RBFOX1: variants seen among roughly 807,000 people sequenced by gnomAD.
RBFOX1 encodes the protein RNA binding fox-1 homolog 1.
In RBFOX1, 8 loss-of-function variants were observed where a neutral mutation model predicts 57.7. The observed-to-expected ratio is 0.14, with a 90% confidence interval of 0.08 to 0.25. RBFOX1 has a LOEUF of 0.25. RBFOX1 is among the 10% of genes least tolerant of loss of function. The pLI is 1.00. For synonymous variants in RBFOX1, 326 were observed against 222.4 expected, an observed-to-expected ratio of 1.47 and a Z score of -4.15; for missense variants, 611 against 548.5, an observed-to-expected ratio of 1.11 and a Z score of -1.14.
chr16:6,484,364 A>G (rs891855624), intron 2 of RBFOX1, among the ~76,000 whole-genome samples: 1 of 152,052 alleles, frequency 6.6e-6, no homozygotes, highest in Non-Finnish European at 1.5e-5. Context: ...GCGCTGGTGT[A>G]CTCTTCATCT....
chr16:6,927,244 C>G (rs370419618), intron 3 of RBFOX1, among the ~76,000 whole-genome samples: 9 of 151,386 alleles, frequency 5.9e-5, no homozygotes, highest in African/African-American at 2.2e-4. Flanking sequence ...CAGTTCCCAT[C>G]TCTACTAAAA....
chr16:7,036,820 G>T (rs7198992), intron 3 of RBFOX1, among the ~76,000 whole-genome samples: 1 of 152,142 alleles, frequency 6.6e-6, no homozygotes, highest in Non-Finnish European at 1.5e-5. Flanking sequence ...AGAATGGCTA[G>T]TTCATAGACA....
At chr16:6,635,859 A>C (rs1211420663) in intron 2 of RBFOX1, among the ~76,000 whole-genome samples, 2 of 152,164 alleles carry the variant, frequency 1.3e-5, no homozygotes, top group South Asian at 2.1e-4. Flanking sequence ...CTTTTATTCA[A>C]AATGTTCGAG....
At chr16:6,940,469 A>G (rs546498984) in intron 3 of RBFOX1, among the ~76,000 whole-genome samples, 1 of 152,222 alleles carries the variant, frequency 6.6e-6, no homozygotes, top group Non-Finnish European at 1.5e-5. Flanking sequence ...GTGAGTGATG[A>G]CAATGATAAT....
intron 2 of RBFOX1, among the ~76,000 whole-genome samples, chr16:6,584,620 T>C (rs2097581431): frequency 6.6e-6 from 1 of 151,904 alleles, no homozygotes; most frequent in Non-Finnish European, 1.5e-5. Context: ...CCACCTGCCT[T>C]GGCCTCCCAA....
intron 3 of RBFOX1, among the ~76,000 whole-genome samples, chr16:7,051,159 G>T (rs1002443144): frequency 3.3e-5 from 5 of 152,186 alleles, no homozygotes; most frequent in Admixed American, 3.3e-4. Context: ...GAATAAAGGT[G>T]AATGAAGACC....
chr16:7,421,597 G>A (rs1001327055), intron 4 of RBFOX1, among the ~76,000 whole-genome samples: 7 of 152,194 alleles, frequency 4.6e-5, no homozygotes, highest in Non-Finnish European at 8.8e-5. Context: ...TAAAAGGTAG[G>A]TTGGAAGACT....
At chr16:5,762,556 A>G (rs1199071334) in intron 3 of RBFOX1, among the ~76,000 whole-genome samples, 1 of 152,188 alleles carries the variant, frequency 6.6e-6, no homozygotes, top group Non-Finnish European at 1.5e-5. Context: ...CACTTTGGGA[A>G]ATTTCCCCGC....
intron 3 of RBFOX1, among the ~76,000 whole-genome samples, chr16:6,675,638 G>T (rs1232334458): frequency 6.6e-6 from 1 of 152,204 alleles, no homozygotes; most frequent in Non-Finnish European, 1.5e-5. Context: ...ACAGTTCCAT[G>T]TGACTGGGGA....
chr16:5,896,088 C>A (rs1170672253), intron 4 of RBFOX1, among the ~76,000 whole-genome samples: 1 of 152,038 alleles, frequency 6.6e-6, no homozygotes, highest in Admixed American at 6.5e-5. Context: ...GAAGTGCCGT[C>A]AGGAGAAGGG....
At chr16:6,880,326 C>T (rs1185144855) in intron 3 of RBFOX1, among the ~76,000 whole-genome samples, 1 of 152,208 alleles carries the variant, frequency 6.6e-6, no homozygotes, top group East Asian at 1.9e-4. Context: ...GAGACAGCCT[C>T]TGTTGTTCCT....
intron 2 of RBFOX1, among the ~76,000 whole-genome samples, chr16:6,420,825 G>A (rs1259078100): frequency 6.6e-6 from 1 of 152,172 alleles, no homozygotes; most frequent in African/African-American, 2.4e-5. Context: ...GACTTATTTG[G>A]CACTCTCTGA....
intron 3 of RBFOX1, among the ~76,000 whole-genome samples, chr16:6,934,917 C>G (rs995273548): frequency 1.3e-5 from 2 of 151,990 alleles, no homozygotes; most frequent in Non-Finnish European, 2.9e-5. Context: ...GAAACCCTGT[C>G]TCTACCAAAA....
chr16:6,008,482 G>A (rs1204778478), intron 4 of RBFOX1, among the ~76,000 whole-genome samples: 1 of 152,152 alleles, frequency 6.6e-6, no homozygotes, highest in Admixed American at 6.5e-5. Context: ...TGGAGAAACT[G>A]GAGGTGATAA....
chr16:7,231,222 T>A (rs2093476029), intron 4 of RBFOX1, among the ~76,000 whole-genome samples: 2 of 152,192 alleles, frequency 1.3e-5, no homozygotes, highest in Admixed American at 6.5e-5. Flanking sequence ...TACGCTTGTT[T>A]ATGTGTTTGT....
At chr16:5,318,441 T>C (rs879491527) in intron 1 of RBFOX1, among the ~76,000 whole-genome samples, 3 of 152,170 alleles carry the variant, frequency 2.0e-5, no homozygotes, top group Admixed American at 6.5e-5. Context: ...TCTACTGATA[T>C]CTAATCCAGC....
intron 3 of RBFOX1, among the ~76,000 whole-genome samples, chr16:6,654,950 C>G (rs1191873344): frequency 6.6e-6 from 1 of 151,812 alleles, no homozygotes; most frequent in Non-Finnish European, 1.5e-5. Context: ...TCACATTGAA[C>G]TTGAATATTG....
At chr16:7,083,526 A>C (rs1166645445) in intron 4 of RBFOX1, among the ~76,000 whole-genome samples, 1 of 152,124 alleles carries the variant, frequency 6.6e-6, no homozygotes, top group Non-Finnish European at 1.5e-5. Flanking sequence ...TAGCCTGTGT[A>C]CACCCCTCAC....
At chr16:6,337,815 C>G (rs1044319881) in intron 2 of RBFOX1, among the ~76,000 whole-genome samples, 1 of 152,200 alleles carries the variant, frequency 6.6e-6, no homozygotes, top group African/African-American at 2.4e-5. Context: ...ATCCTCCTGC[C>G]TCTTCTTGAG....
Sources: allele counts gnomAD v4.1 joint callset (sites outside exome capture counted in the v4.1 genomes callset), GRCh38; gene constraint gnomAD v4.1.1; transcripts MANE v1.5; gene names NCBI Gene and HGNC (gene_info 2026-07-23, HGNC 2026-07-21).